Variants in TDRD10 observed in about 807,000 individuals in gnomAD.
TDRD10 encodes the protein tudor domain-containing protein 10.
In TDRD10, 40 loss-of-function variants were observed where a neutral mutation model predicts 48.0. That is an observed-to-expected ratio of 0.83 (90% confidence interval 0.65 to 1.09). The LOEUF is 1.09. Among genes scored for constraint, TDRD10 ranks in the 50% least tolerant of loss-of-function variants. The pLI is 0.00. For missense variants in TDRD10, 378 were observed against 434.7 expected (o/e 0.87, Z 1.16); for synonymous variants, 162 against 170.4 (o/e 0.95, Z 0.38).
intron 6 of TDRD10, among the ~76,000 whole-genome samples, chr1:154,531,372 G>A (rs1694609842): frequency 6.6e-6 from 1 of 152,198 alleles, no homozygotes; most frequent in African/African-American, 2.4e-5. Flanking sequence ...CTTGCGGTAA[G>A]TATTACAGTT....
intron 1 of TDRD10, among the ~76,000 whole-genome samples, chr1:154,504,869 C>G (rs1469194786): frequency 3.3e-5 from 5 of 152,116 alleles, no homozygotes; most frequent in African/African-American, 2.4e-5. Flanking sequence ...TGCCTGTAGT[C>G]CCAGCTATCT....
chr1:154,526,927 T>C (rs927387138), intron 6 of TDRD10, among the ~76,000 whole-genome samples: 1 of 149,806 alleles, frequency 6.7e-6, no homozygotes, highest in African/African-American at 2.5e-5. Context: ...AATTATTTTT[T>C]AGACAGAGTC....
At chr1:154,510,003 C>T (rs372024474) in intron 4 of TDRD10, 71 of 383,846 alleles carry the variant, frequency 1.8e-4, no homozygotes, top group African/African-American at 1.3e-3. Flanking sequence ...ATCCTTGTCC[C>T]CTTCGCAGAA....
intron 6 of TDRD10, among the ~76,000 whole-genome samples, chr1:154,521,924 T>C (rs1259077861): frequency 6.6e-6 from 1 of 151,970 alleles, no homozygotes; most frequent in Non-Finnish European, 1.5e-5. Context: ...GGGCAGTTAA[T>C]GGTGGAGGCT....
chr1:154,506,741 A>G, intron 1 of TDRD10, 136 bp from the exon 2 acceptor site: 1 of 728,530 alleles, frequency 1.4e-6, no homozygotes, highest in South Asian at 1.7e-5. Flanking sequence ...TAATACATTC[A>G]TAGGTTCTAG....
intron 3 of TDRD10, 94 bp downstream of exon 3, chr1:154,507,414 A>G (rs920251864): frequency 7.2e-5 from 104 of 1,434,582 alleles, no homozygotes; most frequent in Middle Eastern, 4.3e-4. Context: ...TTTCTGTTCA[A>G]TGTGAAACTT....
rs1317314610 is a variant in TDRD10, at chr1:154,544,005, C to T, written c.546C>T (p.Asp182=). The part of the protein sequence containing the change: ...LVLLLRECFR[D]LSWLALIHSV... Reference sequence around the variant, plus strand: ...TGCTCCTGAGGGAATGCTTCCGAGACCTGAGCTGGCTGGCACTCATCCATA... The same window carrying T: ...TGCTCCTGAGGGAATGCTTCCGAGATCTGAGCTGGCTGGCACTCATCCATA... Residue 182 remains aspartate, a synonymous_variant, in exon 9 of 13, where the codon GAC becomes GAT. Coordinates refer to ENST00000368482, the MANE Select transcript of TDRD10 (RefSeq NM_182499.4). The T allele has an allele frequency of 2.5e-6, 4 of 1,614,072 alleles. No homozygotes were observed. The highest frequency in any genetic ancestry group is 1.3e-5 in the African/African-American group (1 of 74,938).
intron 9 of TDRD10, 21 bp downstream of exon 9, chr1:154,544,131 C>A: frequency 6.2e-7 from 1 of 1,613,964 alleles, no homozygotes. Flanking sequence ...GTTGTTGGCC[C>A]CCTCAGGCTC....
intron 6 of TDRD10, among the ~76,000 whole-genome samples, chr1:154,537,893 T>C (rs912921294): frequency 6.6e-6 from 1 of 152,186 alleles, no homozygotes; most frequent in African/African-American, 2.4e-5. Flanking sequence ...GATCTGGGCA[T>C]GAGGGTGACC....
intron 7 of TDRD10, among the ~76,000 whole-genome samples, chr1:154,542,480 A>G (rs1695298265): frequency 6.6e-6 from 1 of 152,274 alleles, no homozygotes; most frequent in South Asian, 2.1e-4. Context: ...CTTCCACCTC[A>G]GCCTCCCAAA....
In TDRD10 at chr1:154,516,583, C is replaced by T. The variant is rs148556784; in HGVS notation, c.142-3721C>T. ...GATGAGGAATAGGTAGTAGGAATGC[C>T]ATGAAGTACTGGACATCAGGTAGTG... On this transcript the variant is annotated intron_variant, in intron 4 of 12. Transcript: ENST00000368482. 4.4e-4 allele frequency among the ~76,000 whole-genome samples: 67 copies of T among 152,218 alleles called. 1 individual carries two copies. The East Asian group carries it at 0.012, about 27-fold the overall frequency.
At chr1:154,537,087 G>A (rs1202760686) in intron 6 of TDRD10, among the ~76,000 whole-genome samples, 1 of 152,070 alleles carries the variant, frequency 6.6e-6, no homozygotes, top group Non-Finnish European at 1.5e-5. Flanking sequence ...ACTATTGTCA[G>A]CCCAGAAGGC....
chr1:154,536,143 C>T lies in TDRD10; in HGVS notation c.370-5881C>T, dbSNP rs553961102. Among the ~76,000 whole-genome samples, 274 of 152,224 alleles carry T rather than the reference C, an allele frequency of 1.8e-3. 7 individuals carry two copies. Among genetic ancestry groups the T allele is most frequent in the Middle Eastern group, 3.4e-3 (1 of 292 alleles). ...CTGTAATCCCAGCACTTTGGGAGGC[C>T]GAGGTGGGTGGATCATGAGGTCAGG... On this transcript the variant is annotated intron_variant, in intron 6 of 12. Coordinates refer to ENST00000368482, the MANE Select transcript of TDRD10 (RefSeq NM_182499.4).
At chr1:154,534,191 G>A (rs1694802181) in intron 6 of TDRD10, among the ~76,000 whole-genome samples, 1 of 152,160 alleles carries the variant, frequency 6.6e-6, no homozygotes, top group South Asian at 2.1e-4. Flanking sequence ...GTGGACTCAT[G>A]ACAGACAGTA....
rs556982468 is a variant in TDRD10, at chr1:154,530,709, A to G, written c.369+9230A>G. Among the ~76,000 whole-genome samples the G allele has an allele frequency of 4.6e-5, 7 of 151,706 alleles. No homozygotes were observed. The South Asian group carries it at 1.5e-3, about 32-fold the overall frequency. On this transcript the variant is annotated intron_variant, in intron 6 of 12. Transcript: ENST00000368482. ...GTTGTGGGTTCACTTGCCTGTTTGA[A>G]TCTAGGTTTTCTCGGTCTACTGTCT...
intron 8 of TDRD10, among the ~76,000 whole-genome samples, 183 bp downstream of exon 8, chr1:154,543,004 A>C (rs1695332085): frequency 6.6e-6 from 1 of 152,110 alleles, no homozygotes; most frequent in African/African-American, 2.4e-5. Context: ...AGCCGGGGGC[A>C]GTGACTCATG....
chr1:154,515,985 G>T (rs1482357218), intron 4 of TDRD10, among the ~76,000 whole-genome samples: 1 of 152,148 alleles, frequency 6.6e-6, no homozygotes, highest in Non-Finnish European at 1.5e-5. Context: ...CAGAAGTGCT[G>T]GGATTACAGG....
chr1:154,515,481 T>A (rs556307178), intron 4 of TDRD10, among the ~76,000 whole-genome samples: 2 of 152,294 alleles, frequency 1.3e-5, no homozygotes, highest in East Asian at 3.9e-4. Flanking sequence ...TGTGCCCGCC[T>A]CACTCCTGCC....
At chr1:154,509,679 G>A (rs540114049) in intron 4 of TDRD10, 1 of 289,064 alleles carries the variant, frequency 3.5e-6, no homozygotes, top group East Asian at 1.7e-4. Flanking sequence ...TTGGAGCATA[G>A]TAAATCATTG....
Sources: allele counts gnomAD v4.1 joint callset (sites outside exome capture counted in the v4.1 genomes callset), GRCh38; gene constraint gnomAD v4.1.1; transcripts MANE v1.5; gene names NCBI Gene and HGNC (gene_info 2026-07-23, HGNC 2026-07-21).